The following APBA1 variants were observed in gnomAD, a reference collection of about 807,000 sequenced individuals.
The protein encoded by APBA1 is amyloid-beta A4 precursor protein-binding family A member 1.
In APBA1, 55 loss-of-function variants were observed where a neutral mutation model predicts 86.6. The observed-to-expected ratio is 0.64, with a 90% CI of 0.51 to 0.80. The LOEUF is 0.80. APBA1 is among the 30% of genes least tolerant of loss of function. The pLI is 0.00. For synonymous variants in APBA1, 511 were observed against 493.9 expected (o/e 1.03, Z -0.46); for missense variants, 1,090 against 1,183.0 (o/e 0.92, Z 1.15).
chr9:69,573,520 C>T (rs1837149185), intron 1 of APBA1, among the ~76,000 whole-genome samples: 1 of 152,136 alleles, frequency 6.6e-6, no homozygotes, highest in Non-Finnish European at 1.5e-5. Flanking sequence ...ATACAATTCA[C>T]AAAATTGTTG....
intron 1 of APBA1, among the ~76,000 whole-genome samples, chr9:69,667,397 C>T (rs1382163414): frequency 6.6e-6 from 1 of 151,912 alleles, no homozygotes; most frequent in African/African-American, 2.4e-5. Context: ...TTATTCACTC[C>T]TAATTGACTC....
At chr9:69,538,850 T>C (rs564013560) in intron 1 of APBA1, among the ~76,000 whole-genome samples, 33 of 152,346 alleles carry the variant, frequency 2.2e-4, no homozygotes, top group Non-Finnish European at 4.1e-4. Flanking sequence ...TGTTCTGTCT[T>C]AAGCCCATTC....
intron 1 of APBA1, among the ~76,000 whole-genome samples, chr9:69,552,441 AT>A (rs1836800593): frequency 6.6e-6 from 1 of 152,232 alleles, no homozygotes; most frequent in Non-Finnish European, 1.5e-5. Context: ...GCACACTCAC[AT>A]TCATCTCTAA....
chr9:69,598,118 G>C (rs1446499045), intron 1 of APBA1, among the ~76,000 whole-genome samples: 1 of 151,942 alleles, frequency 6.6e-6, no homozygotes, highest in Non-Finnish European at 1.5e-5. Flanking sequence ...AAAATGATGA[G>C]TTCATGTCCT....
intron 1 of APBA1, among the ~76,000 whole-genome samples, chr9:69,649,716 T>C (rs1823460161): frequency 6.6e-6 from 1 of 152,044 alleles, no homozygotes; most frequent in Non-Finnish European, 1.5e-5. Context: ...TCACAGTGAG[T>C]AAGGCCCAAC....
At chr9:69,546,733 A>T (rs956030812) in intron 1 of APBA1, among the ~76,000 whole-genome samples, 1 of 152,250 alleles carries the variant, frequency 6.6e-6, no homozygotes, top group African/African-American at 2.4e-5. Flanking sequence ...AATAAATCTT[A>T]AAGTAAGGAG....
intron 1 of APBA1, among the ~76,000 whole-genome samples, chr9:69,613,437 C>T (rs1312974071): frequency 1.3e-5 from 2 of 152,116 alleles, no homozygotes; most frequent in African/African-American, 2.4e-5. Context: ...GTACAGCTTT[C>T]CTCTTGAAGC....
At chr9:69,611,183 T>G (rs184001752) in intron 1 of APBA1, among the ~76,000 whole-genome samples, 159 of 151,726 alleles carry the variant, frequency 1.0e-3, no homozygotes, top group African/African-American at 3.2e-3. Context: ...CTGCTTAGAC[T>G]TTCATATCAA....
rs750298305 is a variant in APBA1 at position 69,516,034 on chromosome 9, C to A, written c.1177G>T (p.Asp393Tyr). Residue 393 changes from aspartate (D) to tyrosine (Y), a missense_variant, in exon 2 of 13, where the codon GAC becomes TAC. Asp to Tyr is a radical substitution (Grantham distance 160). Around this residue, in one of 6 missense-constraint regions of APBA1, gnomAD observed 678 missense variants for 647.1 expected, o/e 1.05. Transcript: ENST00000265381. This position sits in a 1 kb window ranked among gnomAD's most constrained non-coding sequence, Gnocchi z 7.3. ...QDISPTRDCD[D>Y]QRPMDGDSPS... ...ACATCTCCGTCCATCGGCCTCTGGT[C>A]GTCACAGTCCCTGGTGGGGCTAATG... is the stretch of plus-strand genomic sequence containing the variant. 9.5e-6 allele frequency: 15 copies of A among 1,584,678 alleles called. No homozygotes were observed. The highest frequency in any genetic ancestry group is 1.0e-5 in the Non-Finnish European group (12 of 1,162,862).
intron 1 of APBA1, among the ~76,000 whole-genome samples, chr9:69,652,864 A>G (rs1823533836): frequency 6.6e-6 from 1 of 151,862 alleles, no homozygotes; most frequent in Non-Finnish European, 1.5e-5. Flanking sequence ...GTGTGGTGGT[A>G]TGCGCGCCTG....
chr9:69,531,055 T>C lies in APBA1; in HGVS notation c.-69-13776A>G, dbSNP rs139187970. ...TTTATCTAATATATTCAAAATATTA[T>C]TTCAACATATGATCAATATAAAAAT... On this transcript the variant is annotated intron_variant, in intron 1 of 12. Transcript: ENST00000265381. Among the ~76,000 whole-genome samples the C allele has an allele frequency of 7.4e-4, 113 of 152,298 alleles. 1 individual carries two copies. The highest frequency in any genetic ancestry group is 2.1e-3 in the African/African-American group (88 of 41,586).
chr9:69,509,275 G>A (rs11138860), intron 2 of APBA1, among the ~76,000 whole-genome samples: 8,692 of 131,988 alleles, frequency 0.066, no homozygotes, highest in East Asian at 0.18. Flanking sequence ...ACTACCATCA[G>A]AGAATACTAC....
At chr9:69,491,003 G>A (rs1191042989) in intron 2 of APBA1, among the ~76,000 whole-genome samples, 1 of 152,112 alleles carries the variant, frequency 6.6e-6, no homozygotes, top group Admixed American at 6.5e-5. Context: ...TTACACTGTT[G>A]GTGGGACTGT....
chr9:69,468,435 C>G (rs866658633), intron 4 of APBA1, among the ~76,000 whole-genome samples: 19 of 152,292 alleles, frequency 1.2e-4, no homozygotes, highest in African/African-American at 3.8e-4. Context: ...TTGCCCCCCC[C>G]CATTCATATC....
At chr9:69,540,560 A>T (rs979323193) in intron 1 of APBA1, among the ~76,000 whole-genome samples, 5 of 152,030 alleles carry the variant, frequency 3.3e-5, no homozygotes, top group Non-Finnish European at 5.9e-5. Flanking sequence ...CCTGACAACC[A>T]CTACCTACTC....
At chr9:69,475,843 A>C (rs1448638209) in intron 3 of APBA1, among the ~76,000 whole-genome samples, 1 of 152,222 alleles carries the variant, frequency 6.6e-6, no homozygotes, top group Non-Finnish European at 1.5e-5. Flanking sequence ...TTTATTCATT[A>C]ATTAGGCACC....
chr9:69,544,434 T>C (rs576517723), intron 1 of APBA1, among the ~76,000 whole-genome samples: 1 of 152,336 alleles, frequency 6.6e-6, no homozygotes, highest in East Asian at 1.9e-4. Flanking sequence ...GCATATAACA[T>C]ACTCCCATGC....
At chr9:69,664,898 A>G (rs1369377811) in intron 1 of APBA1, among the ~76,000 whole-genome samples, 1 of 152,206 alleles carries the variant, frequency 6.6e-6, no homozygotes, top group Non-Finnish European at 1.5e-5. Context: ...AATTAAAATA[A>G]CTGCCATCAA....
Position 69,452,311 on chromosome 9 carries a change from C to T in APBA1, c.1789-10G>A. 6.2e-7 allele frequency: 1 copy of T among 1,613,418 alleles called. No individual in the cohort carries two copies. The highest frequency in any genetic ancestry group is 8.5e-7 in the Non-Finnish European group (1 of 1,179,620). On this transcript the variant is annotated splice_polypyrimidine_tract_variant and intron_variant, in intron 8 of 12. Coordinates refer to ENST00000265381, the MANE Select transcript of APBA1 (RefSeq NM_001163.4). ...GTGCAATCAGCTGAGCCTGGAACAG[C>T]AGCCAGAGAGGAAAGATGGTCAGCA...
Sources: gnomAD v4.1 joint callset for allele counts (sites outside exome capture counted in the v4.1 genomes callset) on GRCh38, gnomAD v4.1.1 for gene constraint, gnomAD v4.1.1 regional missense constraint, Gnocchi (gnomAD v3.1) non-coding constraint, MANE v1.5 for transcripts, NCBI Gene and HGNC (gene_info 2026-07-23, HGNC 2026-07-21) for gene names.